SNX29: variants seen among roughly 807,000 people sequenced by gnomAD.
SNX29 encodes the protein sorting nexin-29.
Under a neutral mutation model 102.1 loss-of-function variants are expected in SNX29, and 78 were observed. That is an observed-to-expected ratio of 0.76 (90% CI 0.64 to 0.92). The LOEUF (loss-of-function observed/expected upper bound fraction) is 0.92. SNX29 is among the 40% of genes least tolerant of loss of function. The pLI is 0.00. For missense variants in SNX29, 1,280 were observed against 1,061.7 expected, an observed-to-expected ratio of 1.21 and a Z score of -2.86; for synonymous variants, 580 against 414.5, an observed-to-expected ratio of 1.40 and a Z score of -4.85.
chr16:12,292,267 G>A (rs565200152), intron 15 of SNX29, among the ~76,000 whole-genome samples: 50 of 152,258 alleles, frequency 3.3e-4, no homozygotes, highest in Non-Finnish European at 5.4e-4. Context: ...GAGGCAAGAC[G>A]CCTCCATAGT....
intron 18 of SNX29, among the ~76,000 whole-genome samples, chr16:12,454,191 A>G (rs1178973996): frequency 1.3e-5 from 2 of 152,128 alleles, no homozygotes; most frequent in Non-Finnish European, 2.9e-5. Context: ...TTGAGATATG[A>G]TAGGTGGAAC....
chr16:12,555,906 A>G (rs1368902110), intron 20 of SNX29, among the ~76,000 whole-genome samples: 2 of 151,072 alleles, frequency 1.3e-5, no homozygotes, highest in East Asian at 1.9e-4. Context: ...TTGGTCTCAA[A>G]CCTTATTTTT....
intron 13 of SNX29, among the ~76,000 whole-genome samples, chr16:12,130,313 A>G (rs2054405784): frequency 1.3e-5 from 2 of 151,498 alleles, no homozygotes; most frequent in African/African-American, 4.9e-5. Context: ...CGTCTCTACT[A>G]AAAATACAAA....
intron 15 of SNX29, among the ~76,000 whole-genome samples, chr16:12,352,507 A>C (rs1337217772): frequency 6.6e-6 from 1 of 152,078 alleles, no homozygotes; most frequent in African/African-American, 2.4e-5. Flanking sequence ...CCTAAAACTT[A>C]AAGTATAAAA....
chr16:12,565,531 C>G (rs76893140), intron 20 of SNX29, among the ~76,000 whole-genome samples: 3,201 of 152,330 alleles, frequency 0.021, 245 homozygotes, highest in East Asian at 0.17. Context: ...TCCACATGGC[C>G]TCGAGGATTG....
At chr16:12,327,483 A>C (rs209838) in intron 15 of SNX29, among the ~76,000 whole-genome samples, 148,984 of 152,140 alleles carry the variant, frequency 0.98, 73,033 homozygotes, top group Middle Eastern at 1. Flanking sequence ...CCGTCTTCCC[A>C]CTGTGGTCTT....
intron 13 of SNX29, among the ~76,000 whole-genome samples, chr16:12,178,863 A>C (rs2076319918): frequency 6.6e-6 from 1 of 152,190 alleles, no homozygotes; most frequent in Non-Finnish European, 1.5e-5. Flanking sequence ...CTCTGATCGT[A>C]ATAGTGTATT....
intron 16 of SNX29, among the ~76,000 whole-genome samples, chr16:12,367,733 G>T (rs189919973): frequency 6.6e-6 from 1 of 152,194 alleles, no homozygotes; most frequent in African/African-American, 2.4e-5. Flanking sequence ...CCTGTCCCAC[G>T]GCAATGTTAA....
At chr16:12,339,370 CAAAAAAAAAAAAAA>C (rs58148692) in intron 15 of SNX29, among the ~76,000 whole-genome samples, 3 of 56,280 alleles carry the variant, frequency 5.3e-5, no homozygotes, top group Non-Finnish European at 8.9e-5. Context: ...GATTCTGTCT[CAAAAAAAAAAAAAA>C]AAAAAAAAAA....
At chr16:12,057,959 A>G (rs922358838) in intron 8 of SNX29, among the ~76,000 whole-genome samples, 3 of 151,860 alleles carry the variant, frequency 2.0e-5, no homozygotes, top group Non-Finnish European at 2.9e-5. Context: ...CTGGGATTAT[A>G]GGTGACCACC....
In SNX29 at chr16:12,350,915, G is replaced by A. The variant is rs148101862; in HGVS notation, c.1783-5248G>A. 1.0e-3 allele frequency among the ~76,000 whole-genome samples: 159 copies of A among 152,234 alleles called. 3 individuals carry two copies. The East Asian group carries it at 0.022, about 21-fold the overall frequency. ...GTGATCAGCTTGGGTTGGGAGCCAC[G>A]AGTCTAAACTATGTCACTTCCCTCT... On this transcript the variant is annotated intron_variant, in intron 15 of 20. Coordinates refer to ENST00000566228, the MANE Select transcript of SNX29 (RefSeq NM_032167.5).
chr16:12,058,807 T>TGTTTTTTTTTTG (rs1333859317), intron 8 of SNX29, among the ~76,000 whole-genome samples: 1 of 137,448 alleles, frequency 7.3e-6, no homozygotes, highest in African/African-American at 2.6e-5. Context: ...GTTTTTTTTT[T>TGTTTTTTTTTTG]TTTTTTTTTT....
intron 19 of SNX29, among the ~76,000 whole-genome samples, chr16:12,485,108 A>G (rs751666305): frequency 1.3e-5 from 2 of 152,246 alleles, no homozygotes; most frequent in Non-Finnish European, 2.9e-5. Flanking sequence ...AAGTGAGTAC[A>G]TAAACTTTCA....
At chr16:12,104,932 T>A (rs1292843513) in intron 11 of SNX29, among the ~76,000 whole-genome samples, 2 of 152,248 alleles carry the variant, frequency 1.3e-5, no homozygotes, top group Non-Finnish European at 2.9e-5. Flanking sequence ...GGGCTGGGTC[T>A]GAATGTCTGC....
chr16:12,272,787 C>T (rs565716533), intron 14 of SNX29, among the ~76,000 whole-genome samples: 20 of 152,312 alleles, frequency 1.3e-4, no homozygotes, highest in Admixed American at 1.1e-3. Flanking sequence ...CTTTTCCACT[C>T]ATGCTTTGGG....
intron 15 of SNX29, among the ~76,000 whole-genome samples, chr16:12,327,668 G>A (rs1057359509): frequency 2.0e-5 from 3 of 152,100 alleles, no homozygotes; most frequent in African/African-American, 4.8e-5. Context: ...TGTGAATTAC[G>A]GGGTGACACA....
chr16:12,045,055 A>G (rs2050032169), intron 5 of SNX29, among the ~76,000 whole-genome samples: 1 of 152,184 alleles, frequency 6.6e-6, no homozygotes, highest in Non-Finnish European at 1.5e-5. Context: ...CCCCAGCTGG[A>G]TGTTGGGAAA....
At chr16:12,288,560 T>C (rs925664465) in intron 15 of SNX29, among the ~76,000 whole-genome samples, 7 of 152,034 alleles carry the variant, frequency 4.6e-5, no homozygotes, top group African/African-American at 7.3e-5. Flanking sequence ...TTGAATTCTT[T>C]CCTGGACAAA....
intron 20 of SNX29, among the ~76,000 whole-genome samples, chr16:12,559,679 G>T (rs529091309): frequency 1.3e-5 from 2 of 152,106 alleles, no homozygotes; most frequent in East Asian, 3.9e-4. Flanking sequence ...TGGGCCTGGG[G>T]CAGTAACTTC....
Sources: allele counts gnomAD v4.1 joint callset (sites outside exome capture counted in the v4.1 genomes callset), GRCh38; gene constraint gnomAD v4.1.1; transcripts MANE v1.5; gene names NCBI Gene and HGNC (gene_info 2026-07-23, HGNC 2026-07-21).